Variants in DGKB observed in about 807,000 individuals in gnomAD.
DGKB encodes the protein diacylglycerol kinase beta, also known as 90 kDa diacylglycerol kinase.
DGKB carries 67 observed loss-of-function variants against 114.3 expected under a neutral mutation model. The ratio of observed to expected loss-of-function variants is 0.59; its 90% CI spans 0.48 to 0.72. The LOEUF (loss-of-function observed/expected upper bound fraction) is 0.72. Ranked by LOEUF, DGKB falls within the 30% of genes least tolerant of loss-of-function variation. The pLI is 0.00. For missense variants in DGKB, 907 were observed against 975.2 expected, an observed-to-expected ratio of 0.93 and a Z score of 0.93; for synonymous variants, 398 against 323.1, an observed-to-expected ratio of 1.23 and a Z score of -2.49.
At chr7:14,195,568 A>G (rs903976320) in intron 23 of DGKB, among the ~76,000 whole-genome samples, 1 of 152,196 alleles carries the variant, frequency 6.6e-6, no homozygotes, top group South Asian at 2.1e-4. Context: ...CGGTCTTTAC[A>G]CTAAATATCC....
chr7:14,190,432 AAAG>A lies in DGKB; in HGVS notation c.2123-12284_2123-12282del, dbSNP rs1211210976. Among the ~76,000 whole-genome samples the A allele has an allele frequency of 1.4e-3, 215 of 152,282 alleles. 8 individuals carry two copies. Among genetic ancestry groups the A allele is most frequent in the Admixed American group, 0.014 (213 of 15,294 alleles). On this transcript the variant is annotated intron_variant, in intron 23 of 25. Transcript: ENST00000402815. Reference sequence around the variant, plus strand: ...TATAGTAATAATTGTCTACATCACAAAAGAAGATTTCTATGAAACAATCCAACA... The same window carrying A: ...TATAGTAATAATTGTCTACATCACAAAAGATTTCTATGAAACAATCCAACA...
At chr7:14,231,092 T>TC (rs1562684148) in intron 23 of DGKB, among the ~76,000 whole-genome samples, 63 of 92,106 alleles carry the variant, frequency 6.8e-4, no homozygotes, top group Non-Finnish European at 4.1e-4. Context: ...CCTTTCTTTC[T>TC]TTCTTTCTTT....
intron 13 of DGKB, among the ~76,000 whole-genome samples, chr7:14,636,374 T>C (rs944824649): frequency 6.6e-6 from 1 of 151,798 alleles, no homozygotes; most frequent in Non-Finnish European, 1.5e-5. Context: ...TGTACACTTA[T>C]TCAATCAGTG....
At chr7:14,774,795 C>T (rs933481276) in intron 2 of DGKB, among the ~76,000 whole-genome samples, 6 of 152,130 alleles carry the variant, frequency 3.9e-5, no homozygotes, top group African/African-American at 1.4e-4. Context: ...TTAGAATTCT[C>T]TAATTTCTTT....
chr7:14,813,875 T>C (rs1843744516), intron 2 of DGKB, among the ~76,000 whole-genome samples: 1 of 152,198 alleles, frequency 6.6e-6, no homozygotes, highest in Admixed American at 6.6e-5. Context: ...AATTATTTGC[T>C]TGTGTTTTTA....
chr7:14,324,673 T>C (rs1298847482), intron 23 of DGKB, among the ~76,000 whole-genome samples: 3 of 151,894 alleles, frequency 2.0e-5, no homozygotes, highest in Non-Finnish European at 4.4e-5. Context: ...AACCTAGACA[T>C]ACTACATTTT....
intron 2 of DGKB, among the ~76,000 whole-genome samples, chr7:14,839,130 A>T (rs1267318663): frequency 1.3e-5 from 2 of 152,088 alleles, no homozygotes; most frequent in Non-Finnish European, 2.9e-5. Flanking sequence ...ATTAGTTTCT[A>T]GCCTTCTTTA....
chr7:14,829,396 G>C (rs529639370), intron 2 of DGKB, among the ~76,000 whole-genome samples: 1 of 152,264 alleles, frequency 6.6e-6, no homozygotes, highest in South Asian at 2.1e-4. Context: ...GTCGGGAAAA[G>C]AAGTCACACA....
chr7:14,952,603 A>G lies in DGKB; in HGVS notation c.-188+22093T>C, dbSNP rs572181950. Among the ~76,000 whole-genome samples, 51 of 152,078 alleles carry G rather than the reference A, an allele frequency of 3.4e-4. 1 individual carries two copies. In the South Asian group the frequency reaches 9.4e-3, roughly 28 times the overall value. On this transcript the variant is annotated intron_variant, in intron 1 of 4. Transcript: ENST00000437998. ...AAATCCCATCTCTTCTAAAAATACA[A>G]AAATTAGCCAGGCATGGTGGCGCAC...
chr7:14,502,300 G>A (rs1786317349), intron 20 of DGKB, among the ~76,000 whole-genome samples: 1 of 151,980 alleles, frequency 6.6e-6, no homozygotes. Flanking sequence ...AAGTCAGGTA[G>A]AACCAAGGTA....
intron 23 of DGKB, among the ~76,000 whole-genome samples, chr7:14,304,270 C>T (rs1181075611): frequency 1.3e-5 from 2 of 151,830 alleles, no homozygotes; most frequent in African/African-American, 2.4e-5. Context: ...TGAGATCCAC[C>T]TAGGCTGTCA....
chr7:14,391,890 T>C (rs907669007), intron 21 of DGKB, among the ~76,000 whole-genome samples: 2 of 152,200 alleles, frequency 1.3e-5, no homozygotes, highest in Non-Finnish European at 2.9e-5. Flanking sequence ...ACTAATCATA[T>C]GAAATGAGAA....
At chr7:14,465,105 G>A (rs1299446404) in intron 21 of DGKB, among the ~76,000 whole-genome samples, 1 of 152,104 alleles carries the variant, frequency 6.6e-6, no homozygotes, top group African/African-American at 2.4e-5. Flanking sequence ...ACAGAAAGAG[G>A]CACCTCCTCC....
intron 21 of DGKB, among the ~76,000 whole-genome samples, chr7:14,476,888 TG>T (rs1232813592): frequency 2.0e-5 from 3 of 151,824 alleles, no homozygotes; most frequent in Middle Eastern, 3.4e-3. Flanking sequence ...TTGAGTAGCT[TG>T]GGTTACAGGC....
At chr7:14,248,195 A>G (rs1794743570) in intron 23 of DGKB, among the ~76,000 whole-genome samples, 1 of 152,028 alleles carries the variant, frequency 6.6e-6, no homozygotes, top group Non-Finnish European at 1.5e-5. Flanking sequence ...ATTTTGTTTC[A>G]TTGGTTGACA....
intron 1 of DGKB, among the ~76,000 whole-genome samples, chr7:14,876,314 C>G (rs998416172): frequency 1.3e-5 from 2 of 152,220 alleles, no homozygotes; most frequent in Non-Finnish European, 2.9e-5. Flanking sequence ...TGCAAAACTA[C>G]AGTGAGCTGC....
At chr7:14,533,122 C>A (rs978848635) in intron 20 of DGKB, among the ~76,000 whole-genome samples, 1 of 151,748 alleles carries the variant, frequency 6.6e-6, no homozygotes, top group South Asian at 2.1e-4. Context: ...CACAGATAGA[C>A]AACTAAACAA....
In DGKB at chr7:14,873,283, C is replaced by T. The variant is rs2128200695; in HGVS notation, c.-188+29309G>A. 2.6e-5 allele frequency among the ~76,000 whole-genome samples: 4 copies of T among 152,224 alleles called. 1 individual carries two copies. The South Asian group carries it at 8.3e-4, about 32-fold the overall frequency. On this transcript the variant is annotated intron_variant, in intron 1 of 25. Transcript: ENST00000402815. ...CTGTGGTCTTGCATTCAAATACTCA[C>T]TTAGTTTAGCCCATTTTTACTTGTT...
chr7:14,907,834 A>T (rs563993022), upstream of DGKB, among the ~76,000 whole-genome samples: 58 of 152,302 alleles, frequency 3.8e-4, no homozygotes, highest in South Asian at 3.3e-3. Flanking sequence ...CTGAGCAATG[A>T]TAAGTAATAT....
Sources: allele counts gnomAD v4.1 joint callset (sites outside exome capture counted in the v4.1 genomes callset), GRCh38; gene constraint gnomAD v4.1.1; transcripts MANE v1.5; gene names NCBI Gene and HGNC (gene_info 2026-07-23, HGNC 2026-07-21).